Variants in GOLGA5 observed in about 807,000 individuals in gnomAD.
GOLGA5 encodes the protein golgin A5.
GOLGA5 carries 50 observed loss-of-function variants against 93.5 expected under a neutral mutation model. The ratio of observed to expected loss-of-function variants is 0.53; its 90% CI spans 0.43 to 0.68. The LOEUF is 0.68. GOLGA5 is among the 30% of genes least tolerant of loss of function. The probability of loss-of-function intolerance (pLI) is 0.00; values close to 1 mark genes in which losing one functional copy is unlikely to be tolerated. For missense variants in GOLGA5, 760 were observed against 856.4 expected, an observed-to-expected ratio of 0.89 and a Z score of 1.40; for synonymous variants, 312 against 304.5, an observed-to-expected ratio of 1.02 and a Z score of -0.26.
At chr14:92,835,228 T>C (rs1352209412) in intron 10 of GOLGA5, among the ~76,000 whole-genome samples, 1 of 152,198 alleles carries the variant, frequency 6.6e-6, no homozygotes, top group Non-Finnish European at 1.5e-5. Flanking sequence ...CTCTGCTTCA[T>C]AGAAAGACCA....
chr14:92,810,153 C>A, intron 4 of GOLGA5, 101 bp from the exon 5 acceptor site: 1 of 758,658 alleles, frequency 1.3e-6, no homozygotes, highest in Non-Finnish European at 2.2e-6. Context: ...GTCAAATTAT[C>A]TTTTTTGTGC....
intron 2 of GOLGA5, among the ~76,000 whole-genome samples, chr14:92,805,674 A>AG (rs1458180870): frequency 6.6e-6 from 1 of 152,092 alleles, no homozygotes; most frequent in Non-Finnish European, 1.5e-5. Context: ...TAGCCATTCT[A>AG]GGGGGTGTCT....
chr14:92,822,032 A>G (rs991612091), intron 8 of GOLGA5, among the ~76,000 whole-genome samples: 1 of 152,208 alleles, frequency 6.6e-6, no homozygotes, highest in Non-Finnish European at 1.5e-5. Context: ...CTATTTATTT[A>G]GTATATGTTC....
At chr14:92,796,937 T>C (rs1366173990) in intron 1 of GOLGA5, among the ~76,000 whole-genome samples, 1 of 99,348 alleles carries the variant, frequency 1.0e-5, no homozygotes, top group African/African-American at 4.5e-5. Flanking sequence ...GCCACTGCAG[T>C]CCGCAGTCCG....
intron 9 of GOLGA5, among the ~76,000 whole-genome samples, chr14:92,824,872 C>T (rs895239217): frequency 2.6e-5 from 4 of 152,146 alleles, no homozygotes; most frequent in Admixed American, 6.5e-5. Context: ...TAGCCAAAGT[C>T]ACGAAGTAGA....
chr14:92,839,211 G>A (rs1485461966), intron 12 of GOLGA5, among the ~76,000 whole-genome samples, 155 bp from the exon 13 acceptor site: 5 of 152,186 alleles, frequency 3.3e-5, no homozygotes, highest in African/African-American at 1.2e-4. Flanking sequence ...ACCTTCCATT[G>A]CACTGAGCTC....
intron 7 of GOLGA5, among the ~76,000 whole-genome samples, chr14:92,818,689 C>T (rs1885257265): frequency 6.6e-6 from 1 of 152,158 alleles, no homozygotes; most frequent in Non-Finnish European, 1.5e-5. Flanking sequence ...TTCTTTCAAA[C>T]AGCATGTGAA....
intron 9 of GOLGA5, among the ~76,000 whole-genome samples, chr14:92,830,021 A>G (rs962840226): frequency 2.0e-5 from 3 of 152,168 alleles, no homozygotes; most frequent in Non-Finnish European, 4.4e-5. Flanking sequence ...TAGCATGTTT[A>G]TTTAAAGCAA....
chr14:92,796,362 C>G (rs1050561562), intron 1 of GOLGA5, among the ~76,000 whole-genome samples: 2 of 152,180 alleles, frequency 1.3e-5, no homozygotes, highest in Admixed American at 6.5e-5. Context: ...TTTATTTTCT[C>G]TCAGTTCTGA....
chr14:92,801,614 T>C (rs1884872243), intron 2 of GOLGA5, among the ~76,000 whole-genome samples: 1 of 152,190 alleles, frequency 6.6e-6, no homozygotes, highest in South Asian at 2.1e-4. Flanking sequence ...AAGTTCTTAA[T>C]GTAGATGGCA....
rs1156836517 is a variant in GOLGA5 at position 92,806,794 on chromosome 14, T to A, written c.603T>A (p.Asn201Lys). The stretch of plus-strand genomic sequence containing the variant: ...GTCAAGAGGAATCTTCAAAGGAAAA[T>A]GTGTCATCAAATGCTGCCTGCCCTG... The part of the protein sequence containing the change: ...HEGQEESSKE[N>K]VSSNAACPDH... The change falls in exon 3 of 13, where the codon AAT (asparagine) becomes AAA (lysine). Residue 201 changes from asparagine (N) to lysine (K), a missense_variant. Transcript: ENST00000163416. 25 of 1,613,960 alleles carry A rather than the reference T, an allele frequency of 1.5e-5. No homozygotes were observed. The highest frequency in any genetic ancestry group is 2.1e-5 in the Non-Finnish European group (25 of 1,179,914).
At chr14:92,832,216 T>A (rs1481820227) in intron 9 of GOLGA5, among the ~76,000 whole-genome samples, 3 of 152,160 alleles carry the variant, frequency 2.0e-5, no homozygotes, top group African/African-American at 7.2e-5. Flanking sequence ...CACAGTGCAA[T>A]CTTAAAATGG....
chr14:92,817,973 C>CTAT (rs1885243434), intron 7 of GOLGA5, among the ~76,000 whole-genome samples: 1 of 151,846 alleles, frequency 6.6e-6, no homozygotes, highest in African/African-American at 2.4e-5. Context: ...ATAATAGCTG[C>CTAT]TATTATTTCT....
intron 3 of GOLGA5, 89 bp from the exon 4 acceptor site, chr14:92,809,211 A>G: frequency 1.2e-6 from 1 of 820,094 alleles, no homozygotes; most frequent in South Asian, 1.7e-5. Flanking sequence ...TAAGGAAAGT[A>G]CTAAAGGCAC....
intron 9 of GOLGA5, among the ~76,000 whole-genome samples, chr14:92,832,413 G>T (rs1222268884): frequency 6.6e-6 from 1 of 152,152 alleles, no homozygotes; most frequent in African/African-American, 2.4e-5. Flanking sequence ...CGGCATAGCG[G>T]AGGCTGGAGG....
chr14:92,805,648 T>G (rs1419123544), intron 2 of GOLGA5, among the ~76,000 whole-genome samples: 2 of 152,164 alleles, frequency 1.3e-5, no homozygotes, highest in Admixed American at 6.5e-5. Context: ...TCACCAACAT[T>G]TGGTGTTTTT....
rs375581463 is a variant in GOLGA5 at position 92,835,772 on chromosome 14, T to A, written c.2051+108T>A. ...AGGCAGAGTCTATATTTAAAGTGAC[T>A]TACTCCTTTCAAGATATTTTATACT... On this transcript the variant is annotated intron_variant, in intron 11 of 12. Transcript: ENST00000163416. The A allele has an allele frequency of 3.1e-5, 18 of 580,094 alleles. No homozygotes were observed. The East Asian group carries it at 3.6e-4, about 12-fold the overall frequency. The allele number at this position is 580,094 out of a possible 1,614,324, so 35.9% of individuals were successfully genotyped here. A position where few individuals can be genotyped will look rare whatever the true frequency, so the allele number is the denominator to read the frequency against.
At chr14:92,837,558 A>G (rs1410984185) in intron 12 of GOLGA5, 109 bp downstream of exon 12, 3 of 666,040 alleles carry the variant, frequency 4.5e-6, no homozygotes, top group Non-Finnish European at 8.0e-6. Context: ...TTTAGCAATC[A>G]ATCAATTTTT....
intron 7 of GOLGA5, 150 bp from the exon 8 acceptor site, chr14:92,819,558 A>G: frequency 1.5e-6 from 1 of 675,774 alleles, no homozygotes; most frequent in Non-Finnish European, 2.6e-6. Context: ...CCTTGAGCCC[A>G]GGAGTTTGAG....
Sources: allele counts gnomAD v4.1 joint callset (sites outside exome capture counted in the v4.1 genomes callset), GRCh38; gene constraint gnomAD v4.1.1; transcripts MANE v1.5; gene names NCBI Gene and HGNC (gene_info 2026-07-23, HGNC 2026-07-21).